NUP214: variants seen among roughly 807,000 people sequenced by gnomAD.
The protein encoded by NUP214 is nuclear pore complex protein Nup214.
A neutral mutation model predicts 196.2 loss-of-function variants in NUP214; 79 were observed. That is an observed-to-expected ratio of 0.40 (90% CI 0.34 to 0.49). The LOEUF (loss-of-function observed/expected upper bound fraction) is 0.49, where lower values mean the gene tolerates loss of function less well. NUP214 is among the 20% of genes least tolerant of loss of function. NUP214 has a pLI of 0.58. For synonymous variants in NUP214, 1,020 were observed against 990.5 expected, an observed-to-expected ratio of 1.03 and a Z score of -0.56; for missense variants, 2,468 against 2,539.0, an observed-to-expected ratio of 0.97 and a Z score of 0.60.
At chr9:131,157,139 TG>T (rs1409524445) in intron 17 of NUP214, among the ~76,000 whole-genome samples, 22 of 86,274 alleles carry the variant, frequency 2.6e-4, no homozygotes, top group Middle Eastern at 7.1e-3. Context: ...CGTTTAGCTC[TG>T]TTTTTTTTTT....
Position 131,232,027 on chromosome 9 carries a change from A to G in NUP214, c.6215-257A>G, listed in dbSNP as rs1157939823. On this transcript the variant is annotated intron_variant, in intron 34 of 35. Coordinates refer to ENST00000359428, the MANE Select transcript of NUP214 (RefSeq NM_005085.4). The surrounding 1 kb of genome is among the most constrained non-coding windows in gnomAD (Gnocchi z 5.1). ...TACAGCTGGGGCCGAGGAGGGAGGA[A>G]GAACCCTAAAATACCAAGAAGATAA... Among the ~76,000 whole-genome samples, 1 of 152,154 alleles carries G rather than the reference A, an allele frequency of 6.6e-6. No homozygotes were observed. Among genetic ancestry groups the G allele is most frequent in the Admixed American group, 6.5e-5 (1 of 15,272 alleles).
At position 131,217,928 on chromosome 9, in the gene NUP214, C is replaced by T. The variant is rs149738346; in HGVS notation, c.5749+2560C>T. Among the ~76,000 whole-genome samples, 436 of 152,280 alleles carry T rather than the reference C, an allele frequency of 2.9e-3. 1 individual carries two copies. Among genetic ancestry groups the T allele is most frequent in the Non-Finnish European group, 4.4e-3 (300 of 68,024 alleles). ...TTCCCAGTTGTTCATTTGGTGACAT[C>T]GTTTGGGGTAACCTGAAATGAGCCA... is the stretch of plus-strand genomic sequence containing the variant. On this transcript the variant is annotated intron_variant, in intron 31 of 35. Transcript: ENST00000359428.
chr9:131,157,117 T>C (rs1320261289), intron 17 of NUP214, among the ~76,000 whole-genome samples: 1 of 151,656 alleles, frequency 6.6e-6, no homozygotes, highest in Non-Finnish European at 1.5e-5. Context: ...GGTCTACAAG[T>C]GTACGCTACC....
chr9:131,211,026 G>A (rs1834227520), intron 30 of NUP214, among the ~76,000 whole-genome samples: 1 of 152,136 alleles, frequency 6.6e-6, no homozygotes, highest in South Asian at 2.1e-4. Context: ...TTGTTAAAAT[G>A]GAATACTCTT....
chr9:131,233,348 AT>A, intron 35 of NUP214, 105 bp from the exon 36 acceptor site: 1 of 1,175,864 alleles, frequency 8.5e-7, no homozygotes, highest in Non-Finnish European at 1.2e-6. Flanking sequence ...AAAAATAATA[AT>A]AAAAAATCTG....
rs370777303 is a variant in NUP214 at position 131,146,925 on chromosome 9, T to A, written c.1946-565T>A. Among the ~76,000 whole-genome samples, 443 of 130,428 alleles carry A rather than the reference T, an allele frequency of 3.4e-3. 2 individuals are homozygous for A. Among genetic ancestry groups the A allele is most frequent in the South Asian group, 0.01 (37 of 3,552 alleles). The allele number at this position is 130,428 out of a possible 152,430, so 85.6% of individuals were successfully genotyped here. On this transcript the variant is annotated intron_variant, in intron 13 of 35. Coordinates refer to ENST00000359428, the MANE Select transcript of NUP214 (RefSeq NM_005085.4). This position sits in a 1 kb window ranked among gnomAD's most constrained non-coding sequence, Gnocchi z 4.6. ...AGCCTGGCGACAGAGCGAGACTCTG[T>A]CTCAAAAAAAAAAAAAAGTACAGAG... is the stretch of plus-strand genomic sequence containing the variant.
intron 14 of NUP214, 127 bp downstream of exon 14, chr9:131,147,711 A>C: frequency 1.3e-5 from 9 of 706,786 alleles, no homozygotes; most frequent in Non-Finnish European, 2.2e-5. Flanking sequence ...ACTATGTGAT[A>C]GTAAATACCA....
chr9:131,207,458 G>C (rs1003212328), intron 30 of NUP214, among the ~76,000 whole-genome samples: 8 of 152,318 alleles, frequency 5.3e-5, no homozygotes, highest in East Asian at 1.9e-4. Context: ...CCTACATTTG[G>C]CCTATGTAGC....
chr9:131,156,427 C>T (rs745762423), intron 17 of NUP214, among the ~76,000 whole-genome samples: 3 of 151,588 alleles, frequency 2.0e-5, no homozygotes, highest in African/African-American at 4.9e-5. Context: ...CCACTGCGCC[C>T]GGCTGAGCAT....
chr9:131,216,191 T>C (rs1834389939), intron 31 of NUP214, among the ~76,000 whole-genome samples: 1 of 150,976 alleles, frequency 6.6e-6, no homozygotes, highest in Non-Finnish European at 1.5e-5. Context: ...TGCCCAGCCT[T>C]CTTTAGCTAA....
In NUP214 at chr9:131,198,437, C is replaced by T; in HGVS notation, c.4943C>T (p.Pro1648Leu). 2 of 1,614,258 alleles carry T rather than the reference C, an allele frequency of 1.2e-6. No individual in the cohort carries two copies. The highest frequency in any genetic ancestry group is 1.3e-5 in the African/African-American group (1 of 75,062). ...TCTGGCTCATCCGTCTTTGCTCAGCCTCCTGCTGCCAGTTCTAGCTCAGCT... is the reference window on the plus strand; with the variant it reads ...TCTGGCTCATCCGTCTTTGCTCAGCTTCCTGCTGCCAGTTCTAGCTCAGCT... ...VTSGSSVFAQ[P>L]PAASSSSAFN... The change falls in exon 29 of 36, where the codon CCT (proline) becomes CTT (leucine). Residue 1648 changes from proline to leucine, a missense_variant. By Grantham distance (98) the Pro-to-Leu change is moderately conservative. This residue lies in a region of NUP214 where 1,801 missense variants were observed against 1,779.4 expected (regional missense o/e 1.01). Coordinates refer to ENST00000359428, the MANE Select transcript of NUP214 (RefSeq NM_005085.4).
Position 131,135,020 on chromosome 9 carries a change from G to T in NUP214, c.938+16G>T. The stretch of plus-strand genomic sequence containing the variant: ...TTGAGGAATGGTGAGCAGAGAGTCT[G>T]GACAGGGCATTCCTGCTCTCACTGG... On this transcript the variant is annotated intron_variant, in intron 8 of 35. Transcript: ENST00000359428. 6.5e-7 allele frequency: 1 copy of T among 1,540,694 alleles called. No individual in the cohort carries two copies. Among genetic ancestry groups the T allele is most frequent in the South Asian group, 1.1e-5 (1 of 89,418 alleles).
At chr9:131,135,175 G>C in intron 8 of NUP214, 171 bp downstream of exon 8, 3 of 536,632 alleles carry the variant, frequency 5.6e-6, no homozygotes, top group Non-Finnish European at 9.9e-6. Context: ...CAGAAGCCTG[G>C]AACTCCCAGG....
At chr9:131,142,480 G>C (rs1313492694) in intron 11 of NUP214, among the ~76,000 whole-genome samples, 1 of 152,194 alleles carries the variant, frequency 6.6e-6, no homozygotes, top group African/African-American at 2.4e-5. Context: ...GACATTAATG[G>C]TTCCACCTGT....
In NUP214 at chr9:131,193,384, C is replaced by T. The variant is rs184546344; in HGVS notation, c.3659+1092C>T. Among the ~76,000 whole-genome samples the T allele has an allele frequency of 3.6e-3, 554 of 152,148 alleles. 16 individuals are homozygous for T. Among genetic ancestry groups the T allele is most frequent in the East Asian group, 6.6e-3 (34 of 5,184 alleles). On this transcript the variant is annotated intron_variant, in intron 27 of 35. Coordinates refer to ENST00000359428, the MANE Select transcript of NUP214 (RefSeq NM_005085.4). ...TAACTAGGAGCATATTAACCAGTCT[C>T]TTTTTCCTGATTTTAATATATTTTT...
At chr9:131,205,948 GCTGGGATTA>G (rs893573754) in intron 30 of NUP214, among the ~76,000 whole-genome samples, 1 of 152,088 alleles carries the variant, frequency 6.6e-6, no homozygotes, top group Admixed American at 6.5e-5. Context: ...TTCCCAAAGT[GCTGGGATTA>G]CAGTCATGAG....
At position 131,162,701 on chromosome 9, in the gene NUP214, T is replaced by A; in HGVS notation, c.2541-290T>A. The A allele has an allele frequency of 8.0e-6, 3 of 373,064 alleles. No individual in the cohort carries two copies. The South Asian group carries it at 9.4e-5, about 12-fold the overall frequency. The allele number at this position is 373,064 out of a possible 1,614,324, so 23.1% of individuals were successfully genotyped here. On this transcript the variant is annotated intron_variant, in intron 18 of 35. Coordinates refer to ENST00000359428, the MANE Select transcript of NUP214 (RefSeq NM_005085.4). ...TCCTGGTTCCTGACTCACACCTCAC[T>A]CCTGCCCTTTTCTTCCCAGGGCCTC...
intron 34 of NUP214, among the ~76,000 whole-genome samples, chr9:131,231,311 G>C (rs1360404541): frequency 1.3e-5 from 2 of 152,208 alleles, no homozygotes; most frequent in Non-Finnish European, 2.9e-5. Context: ...TCCTGCCTCA[G>C]CCTTTGAGTA....
chr9:131,142,177 C>G (rs572970660), intron 11 of NUP214, among the ~76,000 whole-genome samples: 1 of 152,228 alleles, frequency 6.6e-6, no homozygotes, highest in East Asian at 1.9e-4. Flanking sequence ...GTACCATGAA[C>G]TACCTATACC....
Sources: allele counts gnomAD v4.1 joint callset (sites outside exome capture counted in the v4.1 genomes callset), GRCh38; gene constraint gnomAD v4.1.1; regional missense constraint gnomAD v4.1.1; non-coding constraint Gnocchi (gnomAD v3.1); transcripts MANE v1.5; gene names NCBI Gene and HGNC (gene_info 2026-07-23, HGNC 2026-07-21).